Variants in IL33 observed in about 807,000 individuals in gnomAD.
IL33 encodes interleukin-33.
IL33 carries 37 observed loss-of-function variants against 27.3 expected under a neutral mutation model. That is an observed-to-expected ratio of 1.36 (90% CI 1.04 to 1.78). The LOEUF (loss-of-function observed/expected upper bound fraction) is 1.78, where lower values mean the gene tolerates loss of function less well. Ranked by LOEUF, IL33 falls within the 40% of genes most tolerant of loss-of-function variation. The pLI is 0.00. For missense variants in IL33, 406 were observed against 311.4 expected, an observed-to-expected ratio of 1.30 and a Z score of -2.29; for synonymous variants, 132 against 102.9, an observed-to-expected ratio of 1.28 and a Z score of -1.71.
chr9:6,256,592 T>C lies in IL33; in HGVS notation c.*424T>C, dbSNP rs956773285. On this transcript the variant is annotated 3_prime_UTR_variant, in exon 8 of 8. Transcript: ENST00000682010. The stretch of plus-strand genomic sequence containing the variant: ...AATAATTTTCCACAGTTCCAAACGA[T>C]AGGCTCAAACACTAGAGCTGCTAGT... The C allele has an allele frequency of 7.2e-5, 23 of 317,896 alleles. No individual in the cohort carries two copies. The highest frequency in any genetic ancestry group is 4.7e-4 in the African/African-American group (22 of 47,108). The allele number at this position is 317,896 out of a possible 1,614,324, so 19.7% of individuals were successfully genotyped here. A position where few individuals can be genotyped will look rare whatever the true frequency, so the allele number is the denominator to read the frequency against.
At chr9:6,233,971 A>G (rs569492825) in intron 1 of IL33, among the ~76,000 whole-genome samples, 2 of 152,306 alleles carry the variant, frequency 1.3e-5, no homozygotes, top group African/African-American at 2.4e-5. Context: ...TTAATCTTCA[A>G]CCAGGTCTCT....
chr9:6,245,175 C>A (rs767788505), intron 2 of IL33, among the ~76,000 whole-genome samples: 2 of 152,134 alleles, frequency 1.3e-5, no homozygotes, highest in African/African-American at 4.8e-5. Context: ...AATATGGGAG[C>A]CTTGGGATAG....
chr9:6,242,785 T>G (rs117937785), intron 2 of IL33: 1 of 152,280 alleles, frequency 6.6e-6, no homozygotes, highest in Non-Finnish European at 1.5e-5. Flanking sequence ...TCTGGGCAAA[T>G]GGGAAAGGGT....
At chr9:6,253,525 A>G (rs886485832) in intron 5 of IL33, 27 bp from the exon 6 acceptor site, 5 of 1,566,842 alleles carry the variant, frequency 3.2e-6, no homozygotes, top group Non-Finnish European at 4.4e-6. Flanking sequence ...GTGTCTCACC[A>G]GAGGGATTTT....
chr9:6,227,698 T>G (rs558708915), intron 1 of IL33, among the ~76,000 whole-genome samples: 1 of 152,318 alleles, frequency 6.6e-6, no homozygotes, highest in Non-Finnish European at 1.5e-5. Flanking sequence ...CTTCTCTAGC[T>G]TGACTACCAC....
intron 1 of IL33, among the ~76,000 whole-genome samples, chr9:6,220,573 C>A (rs546254326): frequency 2.6e-5 from 4 of 152,044 alleles, no homozygotes; most frequent in Admixed American, 6.6e-5. Flanking sequence ...ATTATTAGAC[C>A]CAAACATGAA....
chr9:6,219,710 A>G (rs949213945), intron 1 of IL33, among the ~76,000 whole-genome samples: 1 of 152,188 alleles, frequency 6.6e-6, no homozygotes, highest in African/African-American at 2.4e-5. Flanking sequence ...ACAAGTTAGA[A>G]GCAGTCATCA....
chr9:6,251,759 G>A (rs1024191556), intron 4 of IL33, among the ~76,000 whole-genome samples: 2 of 151,332 alleles, frequency 1.3e-5, no homozygotes, highest in African/African-American at 4.9e-5. Flanking sequence ...AAAAAACTTG[G>A]CCAGGTGTGG....
chr9:6,225,544 G>A (rs1818588995), intron 1 of IL33, among the ~76,000 whole-genome samples: 1 of 152,126 alleles, frequency 6.6e-6, no homozygotes, highest in Admixed American at 6.6e-5. Flanking sequence ...CACCTCTGCA[G>A]TTTTTAATAA....
intron 4 of IL33, among the ~76,000 whole-genome samples, chr9:6,251,644 T>C (rs952891226): frequency 6.6e-6 from 1 of 152,128 alleles, no homozygotes; most frequent in Non-Finnish European, 1.5e-5. Context: ...TCTAACACTT[T>C]ATACATTTTA....
chr9:6,251,384 C>A, intron 4 of IL33, 119 bp downstream of exon 4: 1 of 1,469,586 alleles, frequency 6.8e-7, no homozygotes, highest in South Asian at 1.2e-5. Context: ...CCAGAAACTT[C>A]TGCCCATTTG....
intron 1 of IL33, among the ~76,000 whole-genome samples, chr9:6,237,446 T>C (rs909822567): frequency 6.6e-6 from 1 of 152,244 alleles, no homozygotes; most frequent in South Asian, 2.1e-4. Flanking sequence ...AATGACTCCA[T>C]TGTAAATGTG....
intron 1 of IL33, among the ~76,000 whole-genome samples, chr9:6,229,039 T>C (rs914528878): frequency 1.3e-5 from 2 of 152,066 alleles, no homozygotes; most frequent in South Asian, 4.1e-4. Flanking sequence ...CTGAGGATGG[T>C]ACCCTTTGTG....
chr9:6,229,383 T>C (rs183943719), intron 1 of IL33, among the ~76,000 whole-genome samples: 1 of 152,288 alleles, frequency 6.6e-6, no homozygotes, highest in Admixed American at 6.5e-5. Context: ...CAACTTGTAC[T>C]GAATAATTTG....
chr9:6,254,314 T>G (rs1325049860), intron 6 of IL33, 148 bp from the exon 7 acceptor site: 1 of 475,220 alleles, frequency 2.1e-6, no homozygotes, highest in Non-Finnish European at 3.7e-6. Flanking sequence ...CTCTTGAACT[T>G]GGGTACAAAT....
In IL33 at chr9:6,253,577, G is replaced by T; in HGVS notation, c.495G>T (p.Glu165Asp). 2 of 1,609,214 alleles carry T rather than the reference G, an allele frequency of 1.2e-6. No individual in the cohort carries two copies. The highest frequency in any genetic ancestry group is 1.7e-6 in the Non-Finnish European group (2 of 1,176,674). ...ATAAGGTGTTACTGAGTTACTATGA[G>T]TCTCAACACCCCTCAAATGAATCAG... Reference protein sequence around the residue: ...KKDKVLLSYYESQHPSNESGD... With the variant: ...KKDKVLLSYYDSQHPSNESGD... The change falls in exon 6 of 8, where the codon GAG (glutamate) becomes GAT (aspartate). Residue 165 changes from glutamate (E) to aspartate (D), a missense_variant. By Grantham distance (45) the Glu-to-Asp change is conservative (BLOSUM62 2). Coordinates refer to ENST00000682010, the MANE Select transcript of IL33 (RefSeq NM_033439.4).
chr9:6,235,139 C>T (rs904552372), intron 1 of IL33, among the ~76,000 whole-genome samples: 25 of 152,184 alleles, frequency 1.6e-4, no homozygotes, highest in African/African-American at 5.6e-4. Flanking sequence ...CTTCTGGGCT[C>T]AGGTGATCCT....
intron 2 of IL33, among the ~76,000 whole-genome samples, chr9:6,243,081 A>G (rs1252363666): frequency 2.0e-5 from 3 of 152,218 alleles, no homozygotes; most frequent in Non-Finnish European, 4.4e-5. Flanking sequence ...GGTCTGCCCC[A>G]TGATCCAAAT....
chr9:6,244,742 T>G (rs1819727554), intron 2 of IL33, among the ~76,000 whole-genome samples: 1 of 152,168 alleles, frequency 6.6e-6, no homozygotes, highest in Non-Finnish European at 1.5e-5. Flanking sequence ...GCTTCTCAAC[T>G]CAAAATGCAA....
Sources: gnomAD v4.1 joint callset for allele counts (sites outside exome capture counted in the v4.1 genomes callset) on GRCh38, gnomAD v4.1.1 for gene constraint, MANE v1.5 for transcripts, NCBI Gene and HGNC (gene_info 2026-07-23, HGNC 2026-07-21) for gene names.